Variants in SHB observed in about 807,000 individuals in gnomAD.
The protein encoded by SHB is SH2 domain containing adaptor protein B.
In SHB, 20 loss-of-function variants were observed where a neutral mutation model predicts 52.3. The ratio of observed to expected loss-of-function variants is 0.38; its 90% CI spans 0.27 to 0.56. The LOEUF is 0.56. Ranked by LOEUF, SHB falls within the 20% of genes least tolerant of loss-of-function variation. The pLI, the probability that SHB is intolerant of heterozygous loss-of-function variation, is 0.71. For missense variants in SHB, 825 were observed against 723.3 expected (o/e 1.14, Z -1.61); for synonymous variants, 397 against 316.5 (o/e 1.25, Z -2.70).
intron 2 of SHB, among the ~76,000 whole-genome samples, chr9:37,982,930 C>T (rs965999253): frequency 2.0e-5 from 3 of 151,792 alleles, no homozygotes; most frequent in Non-Finnish European, 4.4e-5. Context: ...TGGGTTTGCT[C>T]GCTGGAAAAC....
rs1049944003 is a variant in SHB, at chr9:37,917,228, C to A, written c.*2593G>T. Reference sequence around the variant, plus strand: ...TTCATAAAATTAAGGGAAAAAAATTCTTTTCAGCAGCTCCCATCCTGTAAG... The same window carrying A: ...TTCATAAAATTAAGGGAAAAAAATTATTTTCAGCAGCTCCCATCCTGTAAG... On this transcript the variant is annotated 3_prime_UTR_variant, in exon 6 of 6. Transcript: ENST00000377707. Among the ~76,000 whole-genome samples, 2 of 152,152 alleles carry A rather than the reference C, an allele frequency of 1.3e-5. No individual in the cohort carries two copies. The highest frequency in any genetic ancestry group is 2.9e-5 in the Non-Finnish European group (2 of 68,012).
At chr9:38,056,506 T>C (rs751496805) in intron 1 of SHB, among the ~76,000 whole-genome samples, 10 of 152,204 alleles carry the variant, frequency 6.6e-5, no homozygotes, top group Non-Finnish European at 1.3e-4. Flanking sequence ...TAATTTTCTG[T>C]ATTTTTAGTA....
chr9:37,957,467 C>T (rs73455528), intron 3 of SHB, among the ~76,000 whole-genome samples: 3,292 of 152,300 alleles, frequency 0.022, 118 homozygotes, highest in African/African-American at 0.075. Context: ...CTAAGACACT[C>T]TTTCTCCATC....
chr9:38,052,403 G>C (rs1199191398), intron 1 of SHB, among the ~76,000 whole-genome samples: 1 of 152,224 alleles, frequency 6.6e-6, no homozygotes, highest in Non-Finnish European at 1.5e-5. Flanking sequence ...GGCTCTGACA[G>C]AATGTGGACA....
chr9:37,922,171 C>A (rs1477622902), intron 5 of SHB, among the ~76,000 whole-genome samples: 4 of 152,208 alleles, frequency 2.6e-5, no homozygotes, highest in African/African-American at 9.6e-5. Context: ...AGGGTCACAG[C>A]CGCTGGCGGG....
intron 1 of SHB, among the ~76,000 whole-genome samples, chr9:38,048,444 G>A (rs10973653): frequency 0.082 from 12,488 of 152,112 alleles, 1,654 homozygotes; most frequent in African/African-American, 0.28. Flanking sequence ...GATCAGCCTG[G>A]GCAGCACAGT....
At chr9:37,935,224 G>A (rs180886650) in intron 5 of SHB, among the ~76,000 whole-genome samples, 3 of 152,280 alleles carry the variant, frequency 2.0e-5, no homozygotes, top group East Asian at 1.9e-4. Flanking sequence ...ACACTGCCTC[G>A]AGTTTCTAAT....
At chr9:38,042,654 C>T (rs920104986) in intron 1 of SHB, among the ~76,000 whole-genome samples, 12 of 152,278 alleles carry the variant, frequency 7.9e-5, no homozygotes, top group African/African-American at 2.9e-4. Context: ...TGGCTTCCCT[C>T]GGAAATCACT....
chr9:38,012,567 G>A (rs930256297), intron 2 of SHB, among the ~76,000 whole-genome samples: 1 of 151,864 alleles, frequency 6.6e-6, no homozygotes, highest in Non-Finnish European at 1.5e-5. Context: ...GCCCATCGTC[G>A]CACAGCCAGT....
intron 2 of SHB, among the ~76,000 whole-genome samples, chr9:37,994,837 C>T (rs1016837470): frequency 6.6e-6 from 1 of 152,072 alleles, no homozygotes. Context: ...ATGTATGCTG[C>T]CCTTCAATAG....
chr9:38,060,384 A>G (rs1262316373), intron 1 of SHB, among the ~76,000 whole-genome samples: 4 of 152,146 alleles, frequency 2.6e-5, no homozygotes, highest in Admixed American at 6.5e-5. Context: ...CATGTTGGCC[A>G]GGCTGGTCTC....
chr9:38,018,323 G>C (rs1395049409), intron 1 of SHB, among the ~76,000 whole-genome samples: 3 of 152,112 alleles, frequency 2.0e-5, no homozygotes, highest in African/African-American at 7.2e-5. Context: ...GATTCAGCAA[G>C]TGCTACCTAT....
chr9:37,995,832 C>A (rs192025491), intron 2 of SHB, among the ~76,000 whole-genome samples: 1 of 152,158 alleles, frequency 6.6e-6, no homozygotes, highest in East Asian at 1.9e-4. Flanking sequence ...AGACACTTGA[C>A]GGCACTCCCT....
intron 2 of SHB, among the ~76,000 whole-genome samples, chr9:37,992,745 A>T (rs183682154): frequency 8.5e-5 from 13 of 152,302 alleles, no homozygotes; most frequent in African/African-American, 2.6e-4. Flanking sequence ...AGCACCAACA[A>T]GGATCATCAA....
At chr9:37,991,061 C>A (rs2118014481) in intron 2 of SHB, among the ~76,000 whole-genome samples, 1 of 152,234 alleles carries the variant, frequency 6.6e-6, no homozygotes, top group East Asian at 1.9e-4. Context: ...GCACATATTA[C>A]CTAATGTGAT....
Position 38,068,659 on chromosome 9 carries a change from C to T in SHB, c.-14G>A, listed in dbSNP as rs1315776851. ...CCACTTGGCCATGGCGAGAGGCCGC[C>T]TAGGGCCGCGGCGCGGGAGCCCGGT... On this transcript the variant is annotated 5_prime_UTR_variant, in exon 1 of 6. An upstream open reading frame in the 5' UTR loses its in-frame stop. Transcript: ENST00000377707. 1.5e-6 allele frequency: 2 copies of T among 1,348,500 alleles called. No homozygotes were observed. Among genetic ancestry groups the T allele is most frequent in the Admixed American group, 7.1e-5 (2 of 28,264 alleles). 83.5% of individuals were successfully genotyped at this position (1,348,500 alleles called of 1,614,324 possible). A position where few individuals can be genotyped will look rare whatever the true frequency, so the allele number is the denominator to read the frequency against.
chr9:37,981,481 T>C (rs1820722992), intron 2 of SHB, among the ~76,000 whole-genome samples: 1 of 145,266 alleles, frequency 6.9e-6, no homozygotes, highest in African/African-American at 2.6e-5. Flanking sequence ...TTTGAGCTTC[T>C]ATCTAGACCA....
At chr9:38,020,624 A>G (rs1013890531) in intron 1 of SHB, among the ~76,000 whole-genome samples, 3 of 152,186 alleles carry the variant, frequency 2.0e-5, no homozygotes, top group Non-Finnish European at 4.4e-5. Context: ...ACCCCTCTGC[A>G]ATCATGTGGG....
intron 1 of SHB, among the ~76,000 whole-genome samples, chr9:38,035,616 GT>G (rs1821476697): frequency 6.6e-6 from 1 of 152,176 alleles, no homozygotes; most frequent in African/African-American, 2.4e-5. Context: ...AATGCCCACG[GT>G]GGGGTAGGTC....
Sources: gnomAD v4.1 joint callset for allele counts (sites outside exome capture counted in the v4.1 genomes callset) on GRCh38, gnomAD v4.1.1 for gene constraint, MANE v1.5 for transcripts, NCBI Gene and HGNC (gene_info 2026-07-23, HGNC 2026-07-21) for gene names.